The following PCNX2 variants were observed in gnomAD, a reference collection of about 807,000 sequenced individuals.
PCNX2 encodes pecanex-like protein 2.
Under a neutral mutation model 223.8 loss-of-function variants are expected in PCNX2, and 168 were observed. That is an observed-to-expected ratio of 0.75 (90% confidence interval 0.66 to 0.85). The LOEUF (loss-of-function observed/expected upper bound fraction) is 0.85. PCNX2 is among the 40% of genes least tolerant of loss of function. The pLI, the probability that PCNX2 is intolerant of heterozygous loss-of-function variation, is 0.00. For missense variants in PCNX2, 2,507 were observed against 2,675.5 expected (o/e 0.94, Z 1.39); for synonymous variants, 1,006 against 1,052.6 (o/e 0.96, Z 0.86).
At chr1:233,135,567 G>T (rs955259035) in intron 20 of PCNX2, among the ~76,000 whole-genome samples, 1 of 152,200 alleles carries the variant, frequency 6.6e-6, no homozygotes. Context: ...CTGCAGTGAT[G>T]ATGGACATTT....
At chr1:233,130,944 T>C (rs756257510) in intron 21 of PCNX2, among the ~76,000 whole-genome samples, 1 of 150,274 alleles carries the variant, frequency 6.7e-6, no homozygotes, top group Non-Finnish European at 1.5e-5. Context: ...TTTCCTTCCT[T>C]GGCCTCCTGG....
At chr1:232,993,197 T>C (rs1453064000) in intron 32 of PCNX2, among the ~76,000 whole-genome samples, 1 of 152,218 alleles carries the variant, frequency 6.6e-6, no homozygotes, top group Non-Finnish European at 1.5e-5. Flanking sequence ...ACTTGCCGAA[T>C]GGTTTTGACC....
At chr1:233,135,620 G>T (rs1244313915) in intron 20 of PCNX2, among the ~76,000 whole-genome samples, 4 of 152,166 alleles carry the variant, frequency 2.6e-5, no homozygotes, top group Non-Finnish European at 5.9e-5. Flanking sequence ...GCAACATGCT[G>T]CCCCTGCTAG....
At chr1:233,269,959 T>C (rs1660561228) in intron 1 of PCNX2, among the ~76,000 whole-genome samples, 1 of 152,224 alleles carries the variant, frequency 6.6e-6, no homozygotes, top group Non-Finnish European at 1.5e-5. Context: ...GACTGAGCAA[T>C]ATGAGTTGCC....
chr1:233,293,840 A>G (rs1274311584), intron 1 of PCNX2: 1 of 547,440 alleles, frequency 1.8e-6, no homozygotes, highest in Admixed American at 6.4e-5. Context: ...TCTAGTGAGC[A>G]GCAGAACCAG....
In PCNX2 at chr1:233,259,002, G is replaced by C. The variant is rs1464270693; in HGVS notation, c.860C>G (p.Pro287Arg). 1.2e-6 allele frequency: 2 copies of C among 1,613,944 alleles called. No homozygotes were observed. The highest frequency in any genetic ancestry group is 1.7e-6 in the Non-Finnish European group (2 of 1,179,866). Residue 287 changes from proline to arginine, a missense_variant, in exon 5 of 34, where the codon CCT becomes CGT. By Grantham distance (103) the Pro-to-Arg change is moderately radical. Coordinates refer to ENST00000258229, the MANE Select transcript of PCNX2 (RefSeq NM_014801.4). ...GSENSVLIPE[P>R]VSCPRGSIRE... ...TATGGAGCCCCGGGGACAACTGACAGGTTCTGGAATCAGGACTGAATTCTC... is the reference window on the plus strand; with the variant it reads ...TATGGAGCCCCGGGGACAACTGACACGTTCTGGAATCAGGACTGAATTCTC...
intron 25 of PCNX2, chr1:233,032,883 T>C (rs1671318602): frequency 4.3e-6 from 3 of 702,580 alleles, no homozygotes; most frequent in Non-Finnish European, 5.2e-6. Context: ...GGTAATCTGC[T>C]CTTAGGAGTG....
intron 15 of PCNX2, among the ~76,000 whole-genome samples, chr1:233,190,056 T>C (rs149121878): frequency 2.8e-4 from 42 of 152,348 alleles, no homozygotes; most frequent in African/African-American, 1.0e-3. Context: ...TCATGGTCTC[T>C]GAATCTGCTT....
At chr1:233,075,009 T>TA (rs1373196203) in intron 23 of PCNX2, among the ~76,000 whole-genome samples, 4 of 152,164 alleles carry the variant, frequency 2.6e-5, no homozygotes, top group African/African-American at 9.7e-5. Flanking sequence ...GAAAGAGTTT[T>TA]ACAGCTTCTT....
In PCNX2 at chr1:233,289,176, T is replaced by C. The variant is rs540242418; in HGVS notation, c.153+6150A>G. 1.8e-5 allele frequency: 15 copies of C among 828,680 alleles called. No homozygotes were observed. In the African/African-American group the frequency reaches 2.3e-4, roughly 13 times the overall value. 51.3% of individuals were successfully genotyped at this position (828,680 alleles called of 1,614,324 possible). A position where few individuals can be genotyped will look rare whatever the true frequency, so the allele number is the denominator to read the frequency against. ...TCTCCTTTAAGCGATAAAGACAACA[T>C]GCTTCCCACTGAACTTTTTCTCCAA... On this transcript the variant is annotated intron_variant, in intron 1 of 33. Transcript: ENST00000258229.
At chr1:233,169,374 C>T (rs375221088) in intron 17 of PCNX2, among the ~76,000 whole-genome samples, 103 of 151,442 alleles carry the variant, frequency 6.8e-4, no homozygotes, top group Middle Eastern at 3.5e-3. Flanking sequence ...GGGCCGGGCG[C>T]GGTGGCTCAC....
intron 28 of PCNX2, among the ~76,000 whole-genome samples, chr1:233,008,341 T>C (rs1670355958): frequency 2.0e-5 from 3 of 152,164 alleles, no homozygotes; most frequent in Non-Finnish European, 4.4e-5. Context: ...GTTCGGGTGC[T>C]ACACTGAGAA....
chr1:233,054,690 G>C (rs573153289), intron 24 of PCNX2: 1 of 514,456 alleles, frequency 1.9e-6, no homozygotes, highest in South Asian at 2.8e-5. Context: ...GTAATTTATA[G>C]GCCATAAGCA....
At position 233,276,411 on chromosome 1, in the gene PCNX2, A is replaced by G. The variant is rs527401024; in HGVS notation, c.154-13248T>C. Among the ~76,000 whole-genome samples the G allele has an allele frequency of 7.9e-5, 12 of 152,364 alleles. No homozygotes were observed. The South Asian group carries it at 2.5e-3, about 32-fold the overall frequency. ...AGAGATGAAACATAGTGATGGTTGTACAACAATGTGAATGTACTTAATGTT... is the reference window on the plus strand; with the variant it reads ...AGAGATGAAACATAGTGATGGTTGTGCAACAATGTGAATGTACTTAATGTT... On this transcript the variant is annotated intron_variant, in intron 1 of 33. Transcript: ENST00000258229.
intron 17 of PCNX2, among the ~76,000 whole-genome samples, chr1:233,162,994 T>G (rs1678582434): frequency 6.6e-6 from 1 of 152,122 alleles, no homozygotes. Context: ...ATTATTAACC[T>G]TTTTTTCACA....
intron 23 of PCNX2, chr1:233,065,535 A>G (rs1307613079): frequency 6.6e-6 from 1 of 152,212 alleles, no homozygotes; most frequent in Non-Finnish European, 1.5e-5. Flanking sequence ...TGGATTTTAC[A>G]TGTTATAAAA....
chr1:232,989,775 T>C (rs747181178), intron 32 of PCNX2, among the ~76,000 whole-genome samples: 29 of 152,212 alleles, frequency 1.9e-4, no homozygotes, highest in Non-Finnish European at 3.2e-4. Flanking sequence ...TCGGGGTGGG[T>C]ACAGTGTTTC....
chr1:233,169,644 C>CAAAAAAAAAAA (rs200439765), intron 17 of PCNX2, among the ~76,000 whole-genome samples: 6 of 68,878 alleles, frequency 8.7e-5, no homozygotes, highest in Non-Finnish European at 8.8e-5. Context: ...AACTCCGTCT[C>CAAAAAAAAAAA]AAAAAAAAAA....
chr1:233,182,751 C>A (rs947069832), intron 15 of PCNX2, among the ~76,000 whole-genome samples: 2 of 152,134 alleles, frequency 1.3e-5, no homozygotes, highest in African/African-American at 4.8e-5. Context: ...CCATTCCATT[C>A]CCCTCTACCT....
Sources: allele counts gnomAD v4.1 joint callset (sites outside exome capture counted in the v4.1 genomes callset), GRCh38; gene constraint gnomAD v4.1.1; transcripts MANE v1.5; gene names NCBI Gene and HGNC (gene_info 2026-07-23, HGNC 2026-07-21).